Variants in PDLIM3 observed in about 807,000 individuals in gnomAD.
PDLIM3 encodes the protein PDZ and LIM domain 3, also known as PDZ and LIM domain protein 3.
Under a neutral mutation model 37.3 loss-of-function variants are expected in PDLIM3, and 36 were observed. That is an observed-to-expected ratio of 0.97 (90% CI 0.74 to 1.28). The LOEUF (loss-of-function observed/expected upper bound fraction) is 1.28. Ranked by LOEUF, PDLIM3 falls within the 50% of genes most tolerant of loss-of-function variation. The pLI is 0.00. For missense variants in PDLIM3, 454 were observed against 485.0 expected, an observed-to-expected ratio of 0.94 and a Z score of 0.60; for synonymous variants, 174 against 182.4, an observed-to-expected ratio of 0.95 and a Z score of 0.37.
chr4:185,514,485 T>G lies in PDLIM3; in HGVS notation c.331-148A>C. ...AGGCGATGACGGGACCAGGACGATG[T>G]CTTCTTTCCAACCATCTATCCGCTA... On this transcript the variant is annotated intron_variant, in intron 3 of 7. Coordinates refer to ENST00000284767, the MANE Select transcript of PDLIM3 (RefSeq NM_014476.6). The surrounding 1 kb of genome is among the most constrained non-coding windows in gnomAD (Gnocchi z 4.0). 6.6e-7 allele frequency: 1 copy of G among 1,504,614 alleles called. No homozygotes were observed. The highest frequency in any genetic ancestry group is 9.1e-7 in the Non-Finnish European group (1 of 1,101,378). 93.2% of individuals were successfully genotyped at this position (1,504,614 alleles called of 1,614,324 possible). A position where few individuals can be genotyped will look rare whatever the true frequency, so the allele number is the denominator to read the frequency against.
In PDLIM3 at chr4:185,514,892, T is replaced by C. The variant is rs1463450944; in HGVS notation, c.331-555A>G. 4.5e-6 allele frequency: 7 copies of C among 1,548,962 alleles called. No homozygotes were observed. The Admixed American group carries it at 5.9e-5, about 13-fold the overall frequency. ...CGCGGTACCAATGGGTTTGAATTCC[T>C]GTACAATGGCAGACAAAATACACAG... On this transcript the variant is annotated intron_variant, in intron 3 of 7. Transcript: ENST00000284767. This position sits in a 1 kb window ranked among gnomAD's most constrained non-coding sequence, Gnocchi z 4.0.
intron 4 of PDLIM3, among the ~76,000 whole-genome samples, chr4:185,509,751 G>C (rs1213669279): frequency 1.3e-5 from 2 of 152,104 alleles, no homozygotes; most frequent in Non-Finnish European, 2.9e-5. Flanking sequence ...GATTGTCTCT[G>C]GTCTCAAGTA....
chr4:185,531,065 G>A (rs893389797), intron 1 of PDLIM3, among the ~76,000 whole-genome samples: 2 of 151,814 alleles, frequency 1.3e-5, no homozygotes, highest in African/African-American at 4.8e-5. Context: ...GCAACCATTG[G>A]GGGTCTTGGA....
At chr4:185,505,905 C>A (rs1434919462) in intron 6 of PDLIM3, among the ~76,000 whole-genome samples, 1 of 152,188 alleles carries the variant, frequency 6.6e-6, no homozygotes, top group Non-Finnish European at 1.5e-5. Flanking sequence ...AAAGGACAGT[C>A]TATATCTTTT....
At chr4:185,505,830 G>T (rs1447585556) in intron 6 of PDLIM3, among the ~76,000 whole-genome samples, 1 of 152,106 alleles carries the variant, frequency 6.6e-6, no homozygotes, top group Admixed American at 6.5e-5. Flanking sequence ...ACCAATACTT[G>T]TTATTCTCCA....
chr4:185,506,471 C>G, intron 6 of PDLIM3, 51 bp downstream of exon 6: 1 of 1,610,548 alleles, frequency 6.2e-7, no homozygotes. Context: ...CGTCCCGCCC[C>G]CTGCAGTGGC....
intron 4 of PDLIM3, chr4:185,513,072 T>C (rs2095709150): frequency 1.0e-6 from 1 of 985,334 alleles, no homozygotes; most frequent in Non-Finnish European, 1.2e-6. Flanking sequence ...TGTTTGTAGA[T>C]GGTCGCTTAT....
intron 1 of PDLIM3, among the ~76,000 whole-genome samples, chr4:185,528,274 T>C (rs1408323528): frequency 6.6e-6 from 1 of 152,242 alleles, no homozygotes; most frequent in Non-Finnish European, 1.5e-5. Flanking sequence ...TTTCTGCATG[T>C]GTCCACACTA....
chr4:185,518,446 C>T (rs2095717972), intron 3 of PDLIM3, among the ~76,000 whole-genome samples: 1 of 151,412 alleles, frequency 6.6e-6, no homozygotes, highest in African/African-American at 2.4e-5. Flanking sequence ...TATATGTATA[C>T]ACATATATAT....
intron 2 of PDLIM3, among the ~76,000 whole-genome samples, chr4:185,523,679 C>T (rs568484933): frequency 6.8e-6 from 1 of 146,226 alleles, no homozygotes; most frequent in South Asian, 2.4e-4. Context: ...AGTGCAGTGG[C>T]AAAATCTTGA....
At chr4:185,513,377 C>T (rs1050350956) in intron 4 of PDLIM3, 7 of 984,258 alleles carry the variant, frequency 7.1e-6, no homozygotes, top group Non-Finnish European at 8.4e-6. Flanking sequence ...CAGCTTATGA[C>T]AGGAGTCATA....
intron 3 of PDLIM3, among the ~76,000 whole-genome samples, chr4:185,520,367 G>A (rs115616487): frequency 2.5e-4 from 38 of 152,208 alleles, no homozygotes; most frequent in Admixed American, 8.5e-4. Flanking sequence ...TAGTCATGAC[G>A]CAAAGTCATG....
chr4:185,511,562 C>T (rs1470434571), intron 4 of PDLIM3, among the ~76,000 whole-genome samples: 4 of 152,040 alleles, frequency 2.6e-5, no homozygotes, highest in Middle Eastern at 3.4e-3. Flanking sequence ...GGTTTCATCA[C>T]GTTGGCCAGG....
chr4:185,535,103 C>A (rs2095751207), intron 1 of PDLIM3, among the ~76,000 whole-genome samples: 1 of 152,228 alleles, frequency 6.6e-6, no homozygotes, highest in Admixed American at 6.5e-5. Context: ...TCGCTGCGGA[C>A]CCAGAGGATG....
chr4:185,505,439 G>C (rs2095695054), intron 6 of PDLIM3, among the ~76,000 whole-genome samples: 2 of 152,076 alleles, frequency 1.3e-5, no homozygotes, highest in Non-Finnish European at 2.9e-5. Flanking sequence ...CTGGCCAAGA[G>C]GTAAAACCCC....
At chr4:185,512,791 A>C (rs2095708650) in intron 4 of PDLIM3, 1 of 982,978 alleles carries the variant, frequency 1.0e-6, no homozygotes. Context: ...ACAGTAAAAT[A>C]TCATATCCTT....
intron 4 of PDLIM3, among the ~76,000 whole-genome samples, chr4:185,510,604 C>T (rs979885113): frequency 6.6e-6 from 1 of 151,938 alleles, no homozygotes; most frequent in Non-Finnish European, 1.5e-5. Flanking sequence ...CCATTAGTGA[C>T]TTTTTTCAAA....
At chr4:185,511,127 T>C (rs1244198681) in intron 4 of PDLIM3, among the ~76,000 whole-genome samples, 1 of 152,256 alleles carries the variant, frequency 6.6e-6, no homozygotes, top group African/African-American at 2.4e-5. Flanking sequence ...TTTTGGGGCA[T>C]ACTTCCGGAA....
At chr4:185,513,988 T>G in intron 4 of PDLIM3, 22 of 1,294,916 alleles carry the variant, frequency 1.7e-5, no homozygotes, top group Non-Finnish European at 2.2e-5. Flanking sequence ...GGTCACAGTG[T>G]TCTGGATGGG....
Sources: gnomAD v4.1 joint callset for allele counts (sites outside exome capture counted in the v4.1 genomes callset) on GRCh38, gnomAD v4.1.1 for gene constraint, Gnocchi (gnomAD v3.1) non-coding constraint, MANE v1.5 for transcripts, NCBI Gene and HGNC (gene_info 2026-07-23, HGNC 2026-07-21) for gene names.